Variants in ASNS observed in about 807,000 individuals in gnomAD.
The protein encoded by ASNS is asparagine synthetase [glutamine-hydrolyzing].
In ASNS, 37 loss-of-function variants were observed where a neutral mutation model predicts 62.6. That is an observed-to-expected ratio of 0.59 (90% CI 0.45 to 0.78). The LOEUF (loss-of-function observed/expected upper bound fraction) is 0.78, where lower values mean the gene tolerates loss of function less well. Among genes scored for constraint, ASNS ranks in the 30% least tolerant of loss-of-function variants. The pLI, the probability that ASNS is intolerant of heterozygous loss-of-function variation, is 0.00. For missense variants in ASNS, 520 were observed against 682.4 expected, an observed-to-expected ratio of 0.76 and a Z score of 2.65; for synonymous variants, 207 against 237.9, an observed-to-expected ratio of 0.87 and a Z score of 1.19.
the ASNS span, among the ~76,000 whole-genome samples, chr7:97,909,619 A>G: frequency 6.6e-6 from 1 of 151,932 alleles, no homozygotes; most frequent in African/African-American, 2.4e-5. Context: ...CCTCACTTAC[A>G]CTTTTACAGA....
the ASNS span, among the ~76,000 whole-genome samples, chr7:97,885,463 G>C: frequency 6.6e-6 from 1 of 152,226 alleles, no homozygotes; most frequent in Non-Finnish European, 1.5e-5. Flanking sequence ...GTGCCAGACT[G>C]TGTAAGAAAG....
intron 3 of ASNS, among the ~76,000 whole-genome samples, chr7:97,864,856 T>C (rs1158053102): frequency 3.9e-5 from 6 of 152,182 alleles, no homozygotes; most frequent in African/African-American, 1.2e-4. Context: ...TCTGAAATGT[T>C]TGGAACCAGA....
At chr7:97,863,381 G>T (rs1273409244) in intron 4 of ASNS, 1 of 152,158 alleles carries the variant, frequency 6.6e-6, no homozygotes, top group Non-Finnish European at 1.5e-5. Context: ...CACAAAAGCC[G>T]GTATGATATA....
chr7:97,871,516 T>C (rs1383666132), intron 1 of ASNS, among the ~76,000 whole-genome samples: 1 of 143,328 alleles, frequency 7.0e-6, no homozygotes, highest in African/African-American at 2.5e-5. Context: ...AAAAAAAAAC[T>C]GCTGTTAAAT....
At chr7:97,898,223 T>C in the ASNS span, 1 of 295,674 alleles carries the variant, frequency 3.4e-6, no homozygotes, top group South Asian at 3.0e-5. Context: ...GCCTCCTGAG[T>C]AGCTAGGATT....
At chr7:97,924,314 A>G in the ASNS span, among the ~76,000 whole-genome samples, 2 of 152,150 alleles carry the variant, frequency 1.3e-5, no homozygotes, top group Non-Finnish European at 2.9e-5. Flanking sequence ...GGATGCGAGA[A>G]CTTCCCACCA....
At chr7:97,915,899 A>T in the ASNS span, among the ~76,000 whole-genome samples, 2 of 152,116 alleles carry the variant, frequency 1.3e-5, no homozygotes, top group African/African-American at 4.8e-5. Context: ...CTAAATAGAA[A>T]CTATCTCCTA....
intron 6 of ASNS, 25 bp from the exon 7 acceptor site, chr7:97,858,430 G>A (rs745344972): frequency 1.2e-6 from 2 of 1,613,912 alleles, no homozygotes; most frequent in Non-Finnish European, 1.7e-6. Context: ...GGAAGTGGAA[G>A]TGTCCTAGTT....
At chr7:97,890,895 G>T in the ASNS span, among the ~76,000 whole-genome samples, 1 of 152,186 alleles carries the variant, frequency 6.6e-6, no homozygotes, top group East Asian at 1.9e-4. Flanking sequence ...CTACCATCAT[G>T]AAAATACATG....
At chr7:97,918,036 T>C in the ASNS span, among the ~76,000 whole-genome samples, 11 of 152,200 alleles carry the variant, frequency 7.2e-5, no homozygotes, top group South Asian at 2.3e-3. Context: ...AAAGCAAACT[T>C]CTCCAGAGTG....
At chr7:97,858,682 G>A (rs181921458) in intron 6 of ASNS, among the ~76,000 whole-genome samples, 172 bp downstream of exon 6, 1 of 152,262 alleles carries the variant, frequency 6.6e-6, no homozygotes, top group African/African-American at 2.4e-5. Flanking sequence ...ACTCAAGTTG[G>A]AGTATGACTA....
chr7:97,858,240 C>CT, intron 7 of ASNS, 38 bp downstream of exon 7: 1 of 1,607,382 alleles, frequency 6.2e-7, no homozygotes, highest in Non-Finnish European at 8.5e-7. Context: ...CAAGTCTACT[C>CT]TAACTACACT....
At position 97,858,301 on chromosome 7, in the gene ASNS, G is replaced by T. The variant is rs1279271186; in HGVS notation, c.880C>A (p.Pro294Thr). Residue 294 changes from proline (P) to threonine (T), a missense_variant, in exon 7 of 13, where the codon CCC becomes ACC. Pro to Thr is a conservative substitution (Grantham distance 38). Transcript: ENST00000394308. ...QTFAIGMEDS[P>T]DLLAARKVAD... ...ACCTTTCTAGCAGCCAGTAAATCGG[G>T]GCTGTCTTCCATGCCAATTGCAAAT... is the stretch of plus-strand genomic sequence containing the variant. The T allele has an allele frequency of 3.1e-6, 5 of 1,613,308 alleles. 1 individual carries two copies. In the South Asian group the frequency reaches 5.5e-5, roughly 18 times the overall value.
At chr7:97,880,733 A>C in the ASNS span, among the ~76,000 whole-genome samples, 3 of 152,226 alleles carry the variant, frequency 2.0e-5, no homozygotes, top group East Asian at 5.8e-4. Flanking sequence ...AGACATTGGC[A>C]GGCTAGAAAA....
chr7:97,898,692 T>A, the ASNS span: 3 of 657,386 alleles, frequency 4.6e-6, no homozygotes, highest in South Asian at 4.8e-5. Context: ...TTGTGTTTTT[T>A]AGTAAAACCA....
the ASNS span, among the ~76,000 whole-genome samples, chr7:97,913,499 A>T: frequency 6.6e-6 from 1 of 152,222 alleles, no homozygotes; most frequent in African/African-American, 2.4e-5. Flanking sequence ...GCATCTGCCA[A>T]GAATAATAAT....
At chr7:97,883,241 A>G in the ASNS span, among the ~76,000 whole-genome samples, 1 of 152,182 alleles carries the variant, frequency 6.6e-6, no homozygotes, top group Admixed American at 6.5e-5. Context: ...TGTCTAGGGC[A>G]TAGGGAAGGA....
chr7:97,868,127 G>C (rs527709392), intron 3 of ASNS, among the ~76,000 whole-genome samples: 2 of 152,246 alleles, frequency 1.3e-5, no homozygotes, highest in South Asian at 4.1e-4. Flanking sequence ...GGGCAACATG[G>C]TGAAACCCTG....
At chr7:97,900,152 G>A in the ASNS span, among the ~76,000 whole-genome samples, 1 of 151,230 alleles carries the variant, frequency 6.6e-6, no homozygotes, top group African/African-American at 2.4e-5. Context: ...CTGAGGCCAG[G>A]AGTGTGAGAC....
Sources: allele counts gnomAD v4.1 joint callset (sites outside exome capture counted in the v4.1 genomes callset), GRCh38; gene constraint gnomAD v4.1.1; transcripts MANE v1.5; gene names NCBI Gene and HGNC (gene_info 2026-07-23, HGNC 2026-07-21).